Variants in TRIQK observed in about 807,000 individuals in gnomAD.
TRIQK encodes triple QxxK/R motif containing, also known as triple QxxK/R motif-containing protein.
A neutral mutation model predicts 10.8 loss-of-function variants in TRIQK; 10 were observed. The ratio of observed to expected loss-of-function variants is 0.92; its 90% CI spans 0.57 to 1.57. The LOEUF (loss-of-function observed/expected upper bound fraction) is 1.57. TRIQK is among the 40% of genes most tolerant of loss of function. The pLI, the probability that TRIQK is intolerant of heterozygous loss-of-function variation, is 0.00. For synonymous variants in TRIQK, 33 were observed against 33.7 expected (o/e 0.98, Z 0.07); for missense variants, 107 against 97.7 (o/e 1.09, Z -0.40).
Position 93,011,221 on chromosome 8 carries a change from T to C in TRIQK, c.-181+6388A>G, listed in dbSNP as rs1262114275. On this transcript the variant is annotated intron_variant, in intron 1 of 4. Coordinates refer to the TRIQK transcript ENST00000520686. ...ACACACACACATATATATATATATA[T>C]ACAGGAGGTATTTCTGTTGACCCAT... Among the ~76,000 whole-genome samples the C allele has an allele frequency of 2.9e-4, 44 of 151,430 alleles. 1 individual carries two copies. The highest frequency in any genetic ancestry group is 2.9e-5 in the Non-Finnish European group (2 of 67,822).
intron 1 of TRIQK, among the ~76,000 whole-genome samples, chr8:92,964,467 T>TA (rs1281608760): frequency 3.4e-5 from 5 of 146,590 alleles, no homozygotes; most frequent in Non-Finnish European, 4.5e-5. Flanking sequence ...TATATATCTA[T>TA]ATATATATAT....
chr8:92,930,989 T>C (rs577772350), intron 2 of TRIQK, among the ~76,000 whole-genome samples: 7 of 152,294 alleles, frequency 4.6e-5, no homozygotes, highest in African/African-American at 1.7e-4. Flanking sequence ...GTAATTTCTT[T>C]TATCATAATT....
At chr8:93,003,330 G>GAC (rs1813234177) in intron 1 of TRIQK, among the ~76,000 whole-genome samples, 1 of 151,882 alleles carries the variant, frequency 6.6e-6, no homozygotes, top group Admixed American at 6.6e-5. Context: ...GAGAGAGAGA[G>GAC]AGAGAGAGAG....
intron 2 of TRIQK, among the ~76,000 whole-genome samples, chr8:92,949,820 AAGAAAGAAAGAAAGAAAGAAAG>A (rs1811790028): frequency 1.4e-5 from 2 of 139,926 alleles, no homozygotes; most frequent in African/African-American, 2.6e-5. Context: ...GAAAGAAAGA[AAGAAAGAAAGAAAGAAAGAAAG>A]GGAGAGAAAA....
intron 1 of TRIQK, among the ~76,000 whole-genome samples, chr8:93,009,453 A>G (rs1813307286): frequency 6.6e-6 from 1 of 152,074 alleles, no homozygotes; most frequent in South Asian, 2.1e-4. Flanking sequence ...CTACAAAAAT[A>G]CAAAAATTAT....
chr8:92,915,640 C>T (rs1809792615), intron 3 of TRIQK, among the ~76,000 whole-genome samples: 1 of 145,096 alleles, frequency 6.9e-6, no homozygotes, highest in Admixed American at 7.1e-5. Flanking sequence ...TACAGGCGCC[C>T]ATCACGACGC....
intron 1 of TRIQK, among the ~76,000 whole-genome samples, chr8:92,986,152 T>A (rs531579705): frequency 1.3e-5 from 2 of 152,182 alleles, no homozygotes; most frequent in Non-Finnish European, 2.9e-5. Flanking sequence ...TGATTTTACA[T>A]ATCTCTGCCA....
intron 1 of TRIQK, among the ~76,000 whole-genome samples, chr8:92,992,331 C>T (rs1451030962): frequency 6.6e-6 from 1 of 152,176 alleles, no homozygotes; most frequent in Admixed American, 6.5e-5. Context: ...AACCCTCTGC[C>T]TCTGAGGACA....
chr8:92,990,166 C>G (rs1314791778), intron 1 of TRIQK, among the ~76,000 whole-genome samples: 1 of 152,294 alleles, frequency 6.6e-6, no homozygotes, highest in Admixed American at 6.5e-5. Context: ...ATATTATGCT[C>G]TTCACATTGG....
At chr8:92,949,834 GAAA>G (rs1811796918) in intron 2 of TRIQK, among the ~76,000 whole-genome samples, 1 of 80,638 alleles carries the variant, frequency 1.2e-5, no homozygotes, top group Non-Finnish European at 2.3e-5. Context: ...AAGAAAGAAA[GAAA>G]GAAAGGGAGA....
chr8:92,985,150 C>A (rs184237332), intron 1 of TRIQK, among the ~76,000 whole-genome samples: 1 of 152,250 alleles, frequency 6.6e-6, no homozygotes. Context: ...TTTTGAATGA[C>A]CATATTGTGC....
At chr8:92,889,193 AT>A (rs1298394158) in intron 4 of TRIQK, among the ~76,000 whole-genome samples, 1 of 151,682 alleles carries the variant, frequency 6.6e-6, no homozygotes, top group Non-Finnish European at 1.5e-5. Flanking sequence ...CTAAACATAC[AT>A]TTACAAAAAG....
At chr8:92,999,834 A>G (rs531118077) in intron 1 of TRIQK, among the ~76,000 whole-genome samples, 70 of 152,334 alleles carry the variant, frequency 4.6e-4, no homozygotes, top group Admixed American at 8.5e-4. Context: ...TTGAACAGTA[A>G]CTAAGTCTCC....
chr8:92,941,846 T>C (rs964471960), intron 2 of TRIQK, among the ~76,000 whole-genome samples: 1 of 152,118 alleles, frequency 6.6e-6, no homozygotes, highest in African/African-American at 2.4e-5. Context: ...ATGGATAAAC[T>C]AGAAACATGC....
At chr8:92,997,960 G>T (rs781204641) in intron 1 of TRIQK, among the ~76,000 whole-genome samples, 10 of 151,928 alleles carry the variant, frequency 6.6e-5, no homozygotes, top group Non-Finnish European at 1.3e-4. Flanking sequence ...ATTTAGAAGT[G>T]TTATGGTACT....
At chr8:92,907,539 C>T (rs575996098) in intron 3 of TRIQK, among the ~76,000 whole-genome samples, 18 of 152,100 alleles carry the variant, frequency 1.2e-4, no homozygotes, top group Non-Finnish European at 2.4e-4. Flanking sequence ...AAAGCAAAGT[C>T]GTTATTAAAA....
chr8:92,950,045 T>G (rs1811813661), intron 2 of TRIQK, among the ~76,000 whole-genome samples: 1 of 152,170 alleles, frequency 6.6e-6, no homozygotes, highest in African/African-American at 2.4e-5. Flanking sequence ...TCTGGTATTA[T>G]TTGATCTTTT....
chr8:92,933,121 T>C (rs917859697), intron 2 of TRIQK, among the ~76,000 whole-genome samples: 1 of 152,106 alleles, frequency 6.6e-6, no homozygotes, highest in African/African-American at 2.4e-5. Flanking sequence ...AGGAAATATA[T>C]GTATTGGTGT....
intron 2 of TRIQK, among the ~76,000 whole-genome samples, chr8:92,949,531 AGAAGGAAGGAAGGAAG>A (rs59992773): frequency 6.9e-6 from 1 of 145,580 alleles, no homozygotes; most frequent in Non-Finnish European, 1.5e-5. Flanking sequence ...AAAGAAAGAA[AGAAGGAAGGAAGGAAG>A]GAAGGAAGGA....
Sources: allele counts gnomAD v4.1 joint callset (sites outside exome capture counted in the v4.1 genomes callset), GRCh38; gene constraint gnomAD v4.1.1; transcripts MANE v1.5; gene names NCBI Gene and HGNC (gene_info 2026-07-23, HGNC 2026-07-21).